Variants in PTPRK observed in about 807,000 individuals in gnomAD.
PTPRK encodes receptor-type tyrosine-protein phosphatase kappa.
A neutral mutation model predicts 178.0 loss-of-function variants in PTPRK; 75 were observed. The observed-to-expected ratio is 0.42, with a 90% CI of 0.35 to 0.51. The LOEUF is 0.51. Among genes scored for constraint, PTPRK ranks in the 20% least tolerant of loss-of-function variants. The pLI, the probability that PTPRK is intolerant of heterozygous loss-of-function variation, is 0.02. For synonymous variants in PTPRK, 637 were observed against 620.6 expected (o/e 1.03, Z -0.39); for missense variants, 1,441 against 1,797.8 (o/e 0.80, Z 3.59).
chr6:128,219,023 C>T lies in PTPRK; in HGVS notation c.767G>A (p.Arg256Lys). 2.5e-6 allele frequency: 4 copies of T among 1,613,932 alleles called. No homozygotes were observed. The highest frequency in any genetic ancestry group is 3.4e-6 in the Non-Finnish European group (4 of 1,179,832). Residue 256 changes from arginine (R) to lysine (K), a missense_variant, in exon 6 of 30, where the codon AGA becomes AAA. Arg to Lys is a conservative substitution (Grantham distance 26). Around this residue, in one of 4 missense-constraint regions of PTPRK, gnomAD observed 945 missense variants for 1,080.6 expected, o/e 0.87. Transcript: ENST00000368226. ...GTCAGTTTTTGTCACTTCTTGCAAT[C>T]TGAAGGAAGCGGCAAACCTTCTATG... ...INHRRFAASFRLQEVTKTDQD... is the reference protein window; with the variant it reads ...INHRRFAASFKLQEVTKTDQD...
Position 128,150,747 on chromosome 6 carries a change from C to T in PTPRK, c.1162+33685G>A, listed in dbSNP as rs185701844. ...AAACTACTGAAGAAGGGAAGGGCAA[C>T]GCTATGAAAAAGACAGATTTAATGT... On this transcript the variant is annotated intron_variant, in intron 7 of 29. Coordinates refer to ENST00000368226, the MANE Select transcript of PTPRK (RefSeq NM_002844.4). Among the ~76,000 whole-genome samples the T allele has an allele frequency of 4.6e-3, 704 of 152,146 alleles. 1 individual carries two copies. The highest frequency in any genetic ancestry group is 8.5e-3 in the Non-Finnish European group (578 of 68,000).
intron 15 of PTPRK, chr6:128,000,236 C>A: frequency 8.7e-7 from 1 of 1,153,750 alleles, no homozygotes; most frequent in Non-Finnish European, 1.1e-6. Flanking sequence ...AAACATATTT[C>A]AAGTGCTAGT....
At chr6:128,368,962 C>A (rs563142945) in intron 2 of PTPRK, among the ~76,000 whole-genome samples, 4 of 150,380 alleles carry the variant, frequency 2.7e-5, no homozygotes, top group African/African-American at 7.3e-5. Flanking sequence ...AAAAAAAAAA[C>A]ACACACACAG....
chr6:128,239,078 TA>T (rs144377254), intron 5 of PTPRK, among the ~76,000 whole-genome samples: 17 of 144,604 alleles, frequency 1.2e-4, no homozygotes, highest in South Asian at 4.3e-4. Flanking sequence ...AAGGATGTAG[TA>T]AAAAAAAAAT....
rs138287322 is a variant in PTPRK at position 128,254,434 on chromosome 6, T to C, written c.496-11832A>G. 1.6e-4 allele frequency among the ~76,000 whole-genome samples: 25 copies of C among 152,202 alleles called. No individual in the cohort carries two copies. In the East Asian group the frequency reaches 2.5e-3, roughly 15 times the overall value. ...AGTCAGGTTCAACAGGAGAAAATAA[T>C]AGGGAACTTTAGAAGATATCCCAGA... On this transcript the variant is annotated intron_variant, in intron 3 of 29. Coordinates refer to ENST00000368226, the MANE Select transcript of PTPRK (RefSeq NM_002844.4).
chr6:128,386,346 T>C (rs527628990), intron 2 of PTPRK, among the ~76,000 whole-genome samples: 1 of 152,198 alleles, frequency 6.6e-6, no homozygotes, highest in Non-Finnish European at 1.5e-5. Flanking sequence ...GTATTTCATA[T>C]GTGGAAACAA....
chr6:128,041,943 A>G (rs1237439540), intron 13 of PTPRK, among the ~76,000 whole-genome samples: 1 of 151,898 alleles, frequency 6.6e-6, no homozygotes, highest in African/African-American at 2.4e-5. Flanking sequence ...CACCTTCAAC[A>G]TTGCTTGGAA....
At chr6:128,126,177 C>T (rs144839569) in intron 7 of PTPRK, among the ~76,000 whole-genome samples, 3,935 of 151,998 alleles carry the variant, frequency 0.026, 73 homozygotes, top group Middle Eastern at 0.085. Context: ...TTTTAAGCCC[C>T]GCATGCATTA....
intron 1 of PTPRK, among the ~76,000 whole-genome samples, chr6:128,434,199 C>T (rs766534462): frequency 3.9e-5 from 6 of 152,002 alleles, no homozygotes; most frequent in South Asian, 4.1e-4. Context: ...GTCTCTGGGA[C>T]GATTCACAAC....
chr6:128,503,056 G>A (rs971785863), intron 1 of PTPRK, among the ~76,000 whole-genome samples: 3 of 152,030 alleles, frequency 2.0e-5, no homozygotes, highest in East Asian at 1.9e-4. Context: ...TGAAACCCCC[G>A]CCTCTACTAA....
At chr6:128,019,508 A>T (rs1447629392) in intron 13 of PTPRK, among the ~76,000 whole-genome samples, 1 of 150,506 alleles carries the variant, frequency 6.6e-6, no homozygotes. Flanking sequence ...GGAATCTGGG[A>T]GGGTTCTGAG....
intron 6 of PTPRK, among the ~76,000 whole-genome samples, chr6:128,214,312 A>G (rs147417022): frequency 6.6e-6 from 1 of 152,222 alleles, no homozygotes; most frequent in East Asian, 1.9e-4. Flanking sequence ...CCTATGATTC[A>G]TACTGTTACT....
chr6:128,372,978 G>A (rs1419994341), intron 2 of PTPRK, among the ~76,000 whole-genome samples: 2 of 151,062 alleles, frequency 1.3e-5, no homozygotes, highest in African/African-American at 4.9e-5. Flanking sequence ...GGGAACTAAT[G>A]AGGGAGGTAA....
intron 7 of PTPRK, among the ~76,000 whole-genome samples, chr6:128,125,995 T>C (rs1203835997): frequency 6.6e-6 from 1 of 152,120 alleles, no homozygotes; most frequent in Non-Finnish European, 1.5e-5. Flanking sequence ...GAGCAATATA[T>C]ATTTAAGACT....
Position 128,355,555 on chromosome 6 carries a change from AC to A in PTPRK, c.224-33246del, listed in dbSNP as rs201676398. Among the ~76,000 whole-genome samples the A allele has an allele frequency of 7.5e-3, 1,145 of 152,310 alleles. 14 individuals are homozygous for A. Among genetic ancestry groups the A allele is most frequent in the African/African-American group, 0.027 (1,109 of 41,560 alleles). The stretch of plus-strand genomic sequence containing the variant: ...GTGGGTATAGGTGCATGTATCATAG[AC>A]ATTGTAAAAATTCTAAAAACTGGGG... On this transcript the variant is annotated intron_variant, in intron 2 of 29. Transcript: ENST00000368226.
chr6:128,424,250 AAAT>A (rs1843826635), intron 1 of PTPRK, among the ~76,000 whole-genome samples: 1 of 152,086 alleles, frequency 6.6e-6, no homozygotes, highest in Non-Finnish European at 1.5e-5. Context: ...ATTAATAAAT[AAAT>A]AAAAGTTTTA....
chr6:128,435,403 G>C (rs1422840838), intron 1 of PTPRK, among the ~76,000 whole-genome samples: 1 of 152,090 alleles, frequency 6.6e-6, no homozygotes, highest in Non-Finnish European at 1.5e-5. Context: ...TTGGTCTTTT[G>C]AGGATGACAT....
intron 13 of PTPRK, among the ~76,000 whole-genome samples, chr6:128,014,841 C>A (rs1386779857): frequency 2.0e-5 from 3 of 151,602 alleles, no homozygotes; most frequent in Admixed American, 6.6e-5. Flanking sequence ...TTCCTCATTG[C>A]ATGTGATCTT....
At chr6:128,294,260 C>G (rs556022195) in intron 3 of PTPRK, among the ~76,000 whole-genome samples, 1 of 152,064 alleles carries the variant, frequency 6.6e-6, no homozygotes, top group African/African-American at 2.4e-5. Context: ...TATTCCTAAC[C>G]CTGGTGCTAA....
Sources: gnomAD v4.1 joint callset for allele counts (sites outside exome capture counted in the v4.1 genomes callset) on GRCh38, gnomAD v4.1.1 for gene constraint, gnomAD v4.1.1 regional missense constraint, MANE v1.5 for transcripts, NCBI Gene and HGNC (gene_info 2026-07-23, HGNC 2026-07-21) for gene names.